Variants in CCAR2 observed in about 807,000 individuals in gnomAD.
CCAR2 encodes cell cycle and apoptosis regulator 2.
In CCAR2, 21 loss-of-function variants were observed where a neutral mutation model predicts 108.1. That is an observed-to-expected ratio of 0.19 (90% confidence interval 0.14 to 0.28). The LOEUF (loss-of-function observed/expected upper bound fraction) is 0.28. Among genes scored for constraint, CCAR2 ranks in the 10% least tolerant of loss-of-function variants. CCAR2 has a pLI of 1.00. For missense variants in CCAR2, 1,126 were observed against 1,177.0 expected (o/e 0.96, Z 0.63); for synonymous variants, 577 against 472.8 (o/e 1.22, Z -2.86).
chr8:22,614,413 G>A lies in CCAR2; in HGVS notation c.951G>A (p.Gly317=). The A allele has an allele frequency of 6.2e-7, 1 of 1,614,194 alleles. No homozygotes were observed. The change falls in exon 10 of 21, where the codon GGG becomes GGA. Residue 317 remains glycine, a synonymous_variant. Coordinates refer to ENST00000308511, the MANE Select transcript of CCAR2 (RefSeq NM_001393997.1). Reference sequence around the variant, plus strand: ...AGGTACTGCTGCTCTCTTCCCCGGGGTTGGAGGAATTGTATCGTTGTTGCA... The same window carrying A: ...AGGTACTGCTGCTCTCTTCCCCGGGATTGGAGGAATTGTATCGTTGTTGCA... ...SSKVLLLSSP[G]LEELYRCCML...
intron 7 of CCAR2, among the ~76,000 whole-genome samples, chr8:22,610,651 A>G (rs1200945588): frequency 2.6e-5 from 4 of 152,248 alleles, no homozygotes; most frequent in African/African-American, 9.6e-5. Flanking sequence ...TTTTGGATGG[A>G]GATGCTCATG....
intron 3 of CCAR2, among the ~76,000 whole-genome samples, 167 bp downstream of exon 3, chr8:22,606,343 T>C (rs1015928436): frequency 6.6e-6 from 1 of 152,206 alleles, no homozygotes; most frequent in African/African-American, 2.4e-5. Context: ...GCATCTTCAT[T>C]TCTCGCTCCA....
In CCAR2 at chr8:22,618,927, C is replaced by T. The variant is rs574487877; in HGVS notation, c.2433C>T (p.Asn811=). Residue 811 remains asparagine, a synonymous_variant, in exon 19 of 21, where the codon AAC becomes AAT. Coordinates refer to ENST00000308511, the MANE Select transcript of CCAR2 (RefSeq NM_001393997.1). ...ALVSHNGSLI[N]VGSLLQRAEQ... ...TGTCCCACAATGGCAGCCTGATTAA[C>T]GTGGGGAGCCTGCTGCAGCGCGCGG... 40 of 1,613,766 alleles carry T rather than the reference C, an allele frequency of 2.5e-5. 1 individual carries two copies. In the East Asian group the frequency reaches 3.1e-4, roughly 13 times the overall value.
At chr8:22,606,532 T>G in intron 3 of CCAR2, 75 bp from the exon 4 acceptor site, 1 of 1,211,098 alleles carries the variant, frequency 8.3e-7, no homozygotes, top group South Asian at 1.2e-5. Flanking sequence ...TGGGTTGAGA[T>G]GAGACCTTCA....
intron 17 of CCAR2, 35 bp from the exon 18 acceptor site, chr8:22,618,582 C>G: frequency 6.2e-7 from 1 of 1,613,910 alleles, no homozygotes; most frequent in South Asian, 1.1e-5. Flanking sequence ...GGGTCGGGGA[C>G]GGGGCCTTCT....
chr8:22,605,613 C>T (rs954104784), intron 1 of CCAR2, 123 bp from the exon 2 acceptor site: 3 of 638,528 alleles, frequency 4.7e-6, no homozygotes, highest in Non-Finnish European at 8.4e-6. Flanking sequence ...CCATTGCTTT[C>T]ATTCATTCTT....
At chr8:22,610,433 C>T (rs1449193436) in intron 7 of CCAR2, among the ~76,000 whole-genome samples, 1 of 152,298 alleles carries the variant, frequency 6.6e-6, no homozygotes, top group South Asian at 2.1e-4. Context: ...GAGGTCAGCC[C>T]CTGGTGCTGC....
At chr8:22,608,342 G>C (rs1229981462) in intron 7 of CCAR2, among the ~76,000 whole-genome samples, 1 of 152,194 alleles carries the variant, frequency 6.6e-6, no homozygotes, top group African/African-American at 2.4e-5. Flanking sequence ...ATGTCATGTT[G>C]AGATACTTCT....
At chr8:22,610,061 A>G (rs1196945053) in intron 7 of CCAR2, among the ~76,000 whole-genome samples, 5 of 152,316 alleles carry the variant, frequency 3.3e-5, no homozygotes, top group African/African-American at 1.2e-4. Context: ...AAAATCTGAA[A>G]AAAATTCCAA....
At chr8:22,611,386 A>ATGTGTGTGTGTGTGTGTGTGTG (rs200942064) in intron 7 of CCAR2, among the ~76,000 whole-genome samples, 14 of 9,008 alleles carry the variant, frequency 1.6e-3, no homozygotes, top group African/African-American at 3.9e-3. Flanking sequence ...AAAAGTATAT[A>ATGTGTGTGTGTGTGTGTGTGTG]TATGTGTGTG....
intron 1 of CCAR2, chr8:22,605,075 T>C (rs1801014495): frequency 3.9e-6 from 1 of 255,810 alleles, no homozygotes; most frequent in Non-Finnish European, 7.8e-6. Context: ...GCGGCTCTGC[T>C]GGGAGACCCG....
Position 22,619,627 on chromosome 8 carries a change from G to T in CCAR2, c.2728-11G>T. 1 of 1,566,822 alleles carries T rather than the reference G, an allele frequency of 6.4e-7. No individual in the cohort carries two copies. ...AGGCCCGATTCTGGGTACATCATCT[G>T]TTTCAAACAGGCTGACAGCTGGGTG... is the stretch of plus-strand genomic sequence containing the variant. On this transcript the variant is annotated splice_polypyrimidine_tract_variant and intron_variant, in intron 20 of 20. Transcript: ENST00000308511.
At position 22,616,267 on chromosome 8, in the gene CCAR2, C is replaced by T. The variant is rs202094983; in HGVS notation, c.1845+19C>T. The T allele has an allele frequency of 1.4e-5, 23 of 1,607,832 alleles. No individual in the cohort carries two copies. Among genetic ancestry groups the T allele is most frequent in the East Asian group, 4.5e-5 (2 of 44,870 alleles). On this transcript the variant is annotated intron_variant, in intron 14 of 20. Coordinates refer to ENST00000308511, the MANE Select transcript of CCAR2 (RefSeq NM_001393997.1). Reference sequence around the variant, plus strand: ...CCCGCTGGTGAGTACCCTGCCACCTCGGGCTGTCATAGTGCTTACCGTGAC... The same window carrying T: ...CCCGCTGGTGAGTACCCTGCCACCTTGGGCTGTCATAGTGCTTACCGTGAC...
intron 6 of CCAR2, 112 bp downstream of exon 6, chr8:22,607,437 A>G: frequency 7.7e-7 from 1 of 1,292,918 alleles, no homozygotes; most frequent in African/African-American, 1.5e-5. Flanking sequence ...GTACTGGAAG[A>G]AAGGTGGGCA....
At position 22,615,019 on chromosome 8, in the gene CCAR2, G is replaced by T; in HGVS notation, c.1205+18G>T. 1.3e-6 allele frequency: 2 copies of T among 1,539,474 alleles called. No homozygotes were observed. Among genetic ancestry groups the T allele is most frequent in the South Asian group, 1.2e-5 (1 of 83,012 alleles). ...ACCAAGTGGTGAGTGGGCTTCCTGA[G>T]CCTCAGCTGCACCAACGCACCAGGT... On this transcript the variant is annotated intron_variant, in intron 11 of 20. Coordinates refer to ENST00000308511, the MANE Select transcript of CCAR2 (RefSeq NM_001393997.1).
At chr8:22,620,657 GC>G (rs990094102), downstream of CCAR2, 8 of 152,336 alleles carry the variant, frequency 5.3e-5, no homozygotes, top group South Asian at 1.4e-3. Context: ...GTGGAGGGCA[GC>G]AGGCCCAGGA....
intron 7 of CCAR2, 30 bp downstream of exon 7, chr8:22,608,095 A>G (rs757598695): frequency 1.4e-6 from 2 of 1,468,424 alleles, no homozygotes; most frequent in Non-Finnish European, 9.5e-7. Flanking sequence ...TTTTTTGGCC[A>G]CTTGTTGACA....
rs1307655510 is a variant in CCAR2 at position 22,616,045 on chromosome 8, C to T, written c.1642C>T (p.Leu548Phe). Reference protein sequence around the residue: ...MVLAELFLEMLQRDFGYRVYK... With the variant: ...MVLAELFLEMFQRDFGYRVYK... ...GCTGGCCGAGCTGTTTCTGGAGATGCTCCAGAGGGATTTTGGCTATAGAGT... is the reference window on the plus strand; with the variant it reads ...GCTGGCCGAGCTGTTTCTGGAGATGTTCCAGAGGGATTTTGGCTATAGAGT... The change falls in exon 14 of 21, where the codon CTC (leucine) becomes TTC (phenylalanine). Residue 548 changes from leucine to phenylalanine, a missense_variant. Leu to Phe is a conservative substitution (Grantham distance 22, BLOSUM62 0). This residue lies in a region of CCAR2 where 1,013 missense variants were observed against 993.9 expected (regional missense o/e 1.02). Coordinates refer to ENST00000308511, the MANE Select transcript of CCAR2 (RefSeq NM_001393997.1). 2.5e-6 allele frequency: 4 copies of T among 1,614,072 alleles called. No individual in the cohort carries two copies. The highest frequency in any genetic ancestry group is 2.2e-5 in the South Asian group (2 of 91,072).
At position 22,617,731 on chromosome 8, in the gene CCAR2, G is replaced by C; in HGVS notation, c.2026G>C (p.Val676Leu). The change falls in exon 16 of 21, where the codon GTT (valine) becomes CTT (leucine). Residue 676 changes from valine to leucine, a missense_variant. Around this residue, in one of 4 missense-constraint regions of CCAR2, gnomAD observed 1,013 missense variants for 993.9 expected, o/e 1.02. Coordinates refer to ENST00000308511, the MANE Select transcript of CCAR2 (RefSeq NM_001393997.1). ...AKLEDSEVRS[V>L]ASNQSEMEFS... Reference sequence around the variant, plus strand: ...GCTGGAGGATTCGGAGGTCCGGTCCGTTGCCTCAAACCAGTCAGAGATGGA... The same window carrying C: ...GCTGGAGGATTCGGAGGTCCGGTCCCTTGCCTCAAACCAGTCAGAGATGGA... The C allele has an allele frequency of 6.2e-7, 1 of 1,614,118 alleles. No homozygotes were observed. The highest frequency in any genetic ancestry group is 8.5e-7 in the Non-Finnish European group (1 of 1,180,026).
Sources: gnomAD v4.1 joint callset for allele counts (sites outside exome capture counted in the v4.1 genomes callset) on GRCh38, gnomAD v4.1.1 for gene constraint, gnomAD v4.1.1 regional missense constraint, MANE v1.5 for transcripts, NCBI Gene and HGNC (gene_info 2026-07-23, HGNC 2026-07-21) for gene names.